The following LAMA2 variants were observed in gnomAD, a reference collection of about 807,000 sequenced individuals.
LAMA2 encodes laminin subunit alpha-2.
A neutral mutation model predicts 364.8 loss-of-function variants in LAMA2; 269 were observed. The ratio of observed to expected loss-of-function variants is 0.74; its 90% CI spans 0.67 to 0.82. The LOEUF is 0.82. Among genes scored for constraint, LAMA2 ranks in the 40% least tolerant of loss-of-function variants. The probability of loss-of-function intolerance (pLI) is 0.00; values close to 1 mark genes in which losing one functional copy is unlikely to be tolerated. For synonymous variants in LAMA2, 1,379 were observed against 1,370.6 expected, an observed-to-expected ratio of 1.01 and a Z score of -0.14; for missense variants, 3,807 against 3,873.2, an observed-to-expected ratio of 0.98 and a Z score of 0.45.
At chr6:129,132,229 C>A in intron 4 of LAMA2, among the ~76,000 whole-genome samples, 1 of 150,452 alleles carries the variant, frequency 6.6e-6, no homozygotes, top group Non-Finnish European at 1.5e-5. Flanking sequence ...TGCAGTGGCA[C>A]AATCTCGGCT....
At chr6:129,424,329 AC>A (rs1449499898) in intron 40 of LAMA2, among the ~76,000 whole-genome samples, 2 of 151,830 alleles carry the variant, frequency 1.3e-5, no homozygotes, top group Admixed American at 6.6e-5. Context: ...TCTTAGATAC[AC>A]CACCAAAAGC....
intron 4 of LAMA2, 136 bp from the exon 5 acceptor site, chr6:129,143,765 G>A: frequency 1.5e-6 from 1 of 656,046 alleles, no homozygotes; most frequent in Non-Finnish European, 2.7e-6. Flanking sequence ...AGATGCCAGT[G>A]CATAGGCATG....
Position 129,004,267 on chromosome 6 carries a change from G to C in LAMA2, c.113-45651G>C, listed in dbSNP as rs1231348578. Among the ~76,000 whole-genome samples the C allele has an allele frequency of 6.0e-5, 3 of 50,252 alleles. 1 individual carries two copies. Among genetic ancestry groups the C allele is most frequent in the Non-Finnish European group, 1.0e-4 (3 of 29,042 alleles). The allele number at this position is 50,252 out of a possible 152,430, so 33.0% of individuals were successfully genotyped here. On this transcript the variant is annotated intron_variant, in intron 1 of 64. Coordinates refer to ENST00000421865, the MANE Select transcript of LAMA2 (RefSeq NM_000426.4). ...GGGGACTGTGGTGGGGTCGGGGGAG[G>C]GGGGAGGGATAGCATTGGGAGATAT...
intron 12 of LAMA2, among the ~76,000 whole-genome samples, chr6:129,209,981 G>A (rs1005617173): frequency 1.5e-5 from 2 of 132,226 alleles, no homozygotes; most frequent in Non-Finnish European, 3.1e-5. Flanking sequence ...TCCAGCCCGG[G>A]CGACAGAGCG....
At chr6:129,031,306 A>G (rs1339003897) in intron 1 of LAMA2, among the ~76,000 whole-genome samples, 1 of 152,218 alleles carries the variant, frequency 6.6e-6, no homozygotes, top group Non-Finnish European at 1.5e-5. Context: ...TTTTCATGCA[A>G]CACTCATTCT....
At position 129,440,831 on chromosome 6, in the gene LAMA2, T is replaced by C. The variant is rs764778065; in HGVS notation, c.6101T>C (p.Leu2034Pro). ...CTGCTGACAGATACAGCTGCTAAAC[T>C]GCAAGCTGTTAAGGACAAAGCCAGA... ...SAIPNDTAAK[L>P]QAVKDKARQA... Residue 2034 changes from leucine to proline, a missense_variant, in exon 43 of 65, where the codon CTG becomes CCG. Physicochemically the swap from Leu to Pro is moderately conservative, Grantham distance 98. Transcript: ENST00000421865. 6.2e-7 allele frequency: 1 copy of C among 1,613,894 alleles called. No homozygotes were observed. The highest frequency in any genetic ancestry group is 8.5e-7 in the Non-Finnish European group (1 of 1,179,852).
chr6:129,295,277 T>C (rs542285628), intron 20 of LAMA2, among the ~76,000 whole-genome samples: 143 of 105,168 alleles, frequency 1.4e-3, no homozygotes, highest in Non-Finnish European at 2.5e-3. Context: ...TTTAGATTTG[T>C]AAAGGGTTTA....
At chr6:129,040,955 A>T (rs80073995) in intron 1 of LAMA2, among the ~76,000 whole-genome samples, 2,333 of 152,318 alleles carry the variant, frequency 0.015, 72 homozygotes, top group African/African-American at 0.053. Flanking sequence ...GAGGTGATAA[A>T]TATTTTTGTT....
intron 9 of LAMA2, among the ~76,000 whole-genome samples, chr6:129,168,773 G>A (rs1317462957): frequency 2.3e-4 from 33 of 142,486 alleles, no homozygotes; most frequent in African/African-American, 6.1e-4. Flanking sequence ...CCATTTTCAC[G>A]ATATTGATTC....
At chr6:128,915,690 T>C (rs961780451) in intron 1 of LAMA2, among the ~76,000 whole-genome samples, 1 of 152,184 alleles carries the variant, frequency 6.6e-6, no homozygotes, top group African/African-American at 2.4e-5. Context: ...ACTTAAACAG[T>C]GTGAAATACA....
chr6:129,214,310 A>T lies in LAMA2; in HGVS notation c.1782+21457A>T, dbSNP rs1357325549. ...AACACAAGAGGGAGCCTTCCTTTTT[A>T]ACAACCCACCCTCGAGGTAGCTAAT... On this transcript the variant is annotated intron_variant, in intron 12 of 64. Transcript: ENST00000421865. 2.6e-5 allele frequency among the ~76,000 whole-genome samples: 4 copies of T among 152,162 alleles called. No individual in the cohort carries two copies. In the South Asian group the frequency reaches 8.3e-4, roughly 32 times the overall value.
At chr6:129,499,681 C>A (rs1363648980) in intron 58 of LAMA2, among the ~76,000 whole-genome samples, 1 of 152,078 alleles carries the variant, frequency 6.6e-6, no homozygotes, top group Non-Finnish European at 1.5e-5. Context: ...GAAGCAACAC[C>A]GGGCAAAGCA....
chr6:129,261,878 A>G (rs1005924915), intron 15 of LAMA2, among the ~76,000 whole-genome samples: 3 of 152,136 alleles, frequency 2.0e-5, no homozygotes, highest in Non-Finnish European at 4.4e-5. Context: ...GAGAAAAATA[A>G]TTATGGATAT....
intron 51 of LAMA2, among the ~76,000 whole-genome samples, chr6:129,466,349 C>G (rs1783542312): frequency 6.6e-6 from 1 of 151,856 alleles, no homozygotes; most frequent in South Asian, 2.1e-4. Context: ...GACCCTGAGG[C>G]ACAAGCTGGA....
Position 129,486,642 on chromosome 6 carries a change from A to G in LAMA2, c.7898+20A>G. 6.2e-7 allele frequency: 1 copy of G among 1,608,188 alleles called. No individual in the cohort carries two copies. The highest frequency in any genetic ancestry group is 8.5e-7 in the Non-Finnish European group (1 of 1,174,798). ...TAGAGGGTAACAATAGCACTAAAATATTTATTATTGTAACTCAGGTGAACT... is the reference window on the plus strand; with the variant it reads ...TAGAGGGTAACAATAGCACTAAAATGTTTATTATTGTAACTCAGGTGAACT... On this transcript the variant is annotated intron_variant, in intron 56 of 64. Coordinates refer to ENST00000421865, the MANE Select transcript of LAMA2 (RefSeq NM_000426.4).
At chr6:129,018,681 T>C (rs1562923872) in intron 1 of LAMA2, among the ~76,000 whole-genome samples, 3 of 152,206 alleles carry the variant, frequency 2.0e-5, no homozygotes, top group South Asian at 2.1e-4. Flanking sequence ...AACTTGTCAA[T>C]TTTTAATATC....
At chr6:129,172,131 T>C (rs1429848868) in intron 9 of LAMA2, among the ~76,000 whole-genome samples, 1 of 151,686 alleles carries the variant, frequency 6.6e-6, no homozygotes, top group African/African-American at 2.4e-5. Context: ...TGTCCTCCCG[T>C]AGCTCAGAGT....
At chr6:129,013,922 C>T (rs1479584383) in intron 1 of LAMA2, among the ~76,000 whole-genome samples, 1 of 152,036 alleles carries the variant, frequency 6.6e-6, no homozygotes, top group Non-Finnish European at 1.5e-5. Context: ...AAAAAGCAGA[C>T]ATGTGTGGGA....
chr6:128,912,894 G>T (rs893206814), intron 1 of LAMA2, among the ~76,000 whole-genome samples: 1 of 152,164 alleles, frequency 6.6e-6, no homozygotes, highest in Non-Finnish European at 1.5e-5. Flanking sequence ...ATTTCGATGG[G>T]CAGATCAGGA....
Sources: allele counts gnomAD v4.1 joint callset (sites outside exome capture counted in the v4.1 genomes callset), GRCh38; gene constraint gnomAD v4.1.1; transcripts MANE v1.5; gene names NCBI Gene and HGNC (gene_info 2026-07-23, HGNC 2026-07-21).